Variants in CDCA2 observed in about 807,000 individuals in gnomAD.
CDCA2 encodes the protein cell division cycle-associated protein 2.
CDCA2 carries 44 observed loss-of-function variants against 67.0 expected under a neutral mutation model. That is an observed-to-expected ratio of 0.66 (90% CI 0.52 to 0.84). CDCA2 has a LOEUF of 0.84. Among genes scored for constraint, CDCA2 ranks in the 40% least tolerant of loss-of-function variants. CDCA2 has a pLI of 0.00. For synonymous variants in CDCA2, 447 were observed against 418.7 expected, an observed-to-expected ratio of 1.07 and a Z score of -0.82; for missense variants, 1,253 against 1,203.2, an observed-to-expected ratio of 1.04 and a Z score of -0.61.
At chr8:25,499,837 C>A (rs1443253901) in intron 13 of CDCA2, among the ~76,000 whole-genome samples, 2 of 152,142 alleles carry the variant, frequency 1.3e-5, no homozygotes, top group Non-Finnish European at 2.9e-5. Context: ...GATCAAATGG[C>A]TTCCCCCGGG....
chr8:25,497,153 A>G (rs527730163), intron 13 of CDCA2, among the ~76,000 whole-genome samples: 4 of 152,224 alleles, frequency 2.6e-5, no homozygotes. Context: ...GACTCCAAAT[A>G]ATCCATTTTC....
chr8:25,490,637 T>C (rs544473768), intron 13 of CDCA2, among the ~76,000 whole-genome samples: 1 of 152,118 alleles, frequency 6.6e-6, no homozygotes, highest in Admixed American at 6.5e-5. Flanking sequence ...AGAAATGAAT[T>C]GAAGTCCTAT....
chr8:25,500,493 A>G (rs1032493900), intron 13 of CDCA2, among the ~76,000 whole-genome samples: 12 of 152,030 alleles, frequency 7.9e-5, no homozygotes, highest in African/African-American at 2.2e-4. Context: ...CGTATATTCA[A>G]TTTTTGTCAA....
In CDCA2 at chr8:25,487,333, A is replaced by T. The variant is rs771709305; in HGVS notation, c.1532A>T (p.Asn511Ile). ...ATAACAAGGACTTCTAACAGAAGAA[A>T]TGTAAGTGTTTGTGTTTGGCACAAC... Reference protein sequence around the residue: ...GRITRTSNRRNQLVSVVEESV... With the variant: ...GRITRTSNRRIQLVSVVEESV... Residue 511 changes from asparagine to isoleucine, a missense_variant and splice_region_variant, in exon 12 of 15, where the codon AAT becomes ATT. Coordinates refer to ENST00000330560, the MANE Select transcript of CDCA2 (RefSeq NM_152562.4). The T allele has an allele frequency of 1.9e-6, 3 of 1,580,800 alleles. No individual in the cohort carries two copies.
intron 9 of CDCA2, 28 bp from the exon 10 acceptor site, chr8:25,483,938 G>T: frequency 1.3e-6 from 2 of 1,581,054 alleles, no homozygotes; most frequent in Non-Finnish European, 1.7e-6. Flanking sequence ...TAATTTTTAA[G>T]TTACTCTCAT....
chr8:25,477,371 G>GC (rs1300614672), intron 7 of CDCA2, among the ~76,000 whole-genome samples: 9 of 151,864 alleles, frequency 5.9e-5, no homozygotes, highest in South Asian at 2.1e-4. Context: ...ATATTTGAAT[G>GC]CCCCCCCTCG....
At chr8:25,460,356 C>T in intron 2 of CDCA2, 28 bp from the exon 3 acceptor site, 2 of 1,614,172 alleles carry the variant, frequency 1.2e-6, no homozygotes, top group East Asian at 4.5e-5. Flanking sequence ...GAGTTGTCCT[C>T]ACCCCTACAA....
Position 25,466,157 on chromosome 8 carries a change from T to C in CDCA2, c.388-18T>C, listed in dbSNP as rs1175512336. On this transcript the variant is annotated intron_variant, in intron 4 of 14. Transcript: ENST00000330560. ...TGAATTGATTATAATACTCCTTGTA[T>C]ATTTTGCACTTTCACAGGGCAGCCC... 1 of 1,584,972 alleles carries C rather than the reference T, an allele frequency of 6.3e-7. No homozygotes were observed. The highest frequency in any genetic ancestry group is 8.5e-7 in the Non-Finnish European group (1 of 1,172,156).
Position 25,462,221 on chromosome 8 carries a change from T to A in CDCA2, c.387+13T>A. The A allele has an allele frequency of 6.2e-7, 1 of 1,613,062 alleles. No individual in the cohort carries two copies. The highest frequency in any genetic ancestry group is 8.5e-7 in the Non-Finnish European group (1 of 1,179,072). ...TTCTCCTTCCCAGGTATGATTTTCT[T>A]CTAAGTTCTGTCGTGAATTCCGTTA... On this transcript the variant is annotated intron_variant, in intron 4 of 14. Transcript: ENST00000330560.
intron 7 of CDCA2, among the ~76,000 whole-genome samples, chr8:25,472,809 A>G (rs1387357583): frequency 6.6e-6 from 1 of 152,218 alleles, no homozygotes; most frequent in Non-Finnish European, 1.5e-5. Context: ...TTATTAAATC[A>G]GGCTAATTAA....
chr8:25,498,002 A>G (rs1267742218), intron 13 of CDCA2, among the ~76,000 whole-genome samples: 1 of 152,170 alleles, frequency 6.6e-6, no homozygotes, highest in Non-Finnish European at 1.5e-5. Flanking sequence ...CACCAAATAA[A>G]TGTCAAGGGA....
chr8:25,490,358 A>G (rs1586510624), intron 13 of CDCA2, among the ~76,000 whole-genome samples: 1 of 151,984 alleles, frequency 6.6e-6, no homozygotes, highest in Non-Finnish European at 1.5e-5. Context: ...ACTAAAAGGA[A>G]TACACTTAGA....
At chr8:25,506,397 T>C in intron 14 of CDCA2, 113 bp from the exon 15 acceptor site, 1 of 940,600 alleles carries the variant, frequency 1.1e-6, no homozygotes, top group Non-Finnish European at 1.5e-6. Context: ...TTGTGGGTCT[T>C]GTGAATGCTT....
intron 13 of CDCA2, among the ~76,000 whole-genome samples, chr8:25,496,992 A>G (rs1329909983): frequency 6.6e-6 from 1 of 152,154 alleles, no homozygotes; most frequent in Non-Finnish European, 1.5e-5. Flanking sequence ...GAAATGTTAC[A>G]TATTATTTAG....
rs141708318 is a variant in CDCA2 at position 25,505,985 on chromosome 8, A to G, written c.1844-525A>G. 9.5e-4 allele frequency among the ~76,000 whole-genome samples: 144 copies of G among 152,174 alleles called. 2 individuals carry two copies. Among genetic ancestry groups the G allele is most frequent in the African/African-American group, 3.2e-3 (132 of 41,540 alleles). The stretch of plus-strand genomic sequence containing the variant: ...CAAACCTGGTTCTGTTTCGGAGTAC[A>G]GTGCACTTTATAGTAATTTTTAACA... On this transcript the variant is annotated intron_variant, in intron 14 of 14. Transcript: ENST00000330560.
At chr8:25,476,728 A>G (rs932766353) in intron 7 of CDCA2, among the ~76,000 whole-genome samples, 1 of 151,612 alleles carries the variant, frequency 6.6e-6, no homozygotes, top group South Asian at 2.1e-4. Context: ...TAATTTTTGT[A>G]TTTTTAGTAG....
rs1803877046 is a variant in CDCA2, at chr8:25,488,643, CT to C, written c.1626del (p.Gln543LysfsTer17). On this transcript the variant is annotated frameshift_variant, in exon 13 of 15. Transcript: ENST00000330560. LOFTEE classifies it high-confidence loss of function. ...GAAAAGAAAATTAATAGGAGGAAGT[CT>C]CAAGAAACAAAGTGTACAAAGAGAG... ...CKEKKINRRK[S>X]QETKCTKRAL... The C allele has an allele frequency of 6.2e-7, 1 of 1,612,408 alleles. No individual in the cohort carries two copies.
At chr8:25,492,928 G>A (rs570287918) in intron 13 of CDCA2, among the ~76,000 whole-genome samples, 1 of 152,280 alleles carries the variant, frequency 6.6e-6, no homozygotes, top group African/African-American at 2.4e-5. Flanking sequence ...TTAAATCCTG[G>A]GTTCATTCCT....
At chr8:25,482,689 C>T (rs865922156) in intron 8 of CDCA2, among the ~76,000 whole-genome samples, 1 of 152,024 alleles carries the variant, frequency 6.6e-6, no homozygotes, top group Non-Finnish European at 1.5e-5. Context: ...GGCAACATGG[C>T]GAAACCTCGT....
Sources: allele counts gnomAD v4.1 joint callset (sites outside exome capture counted in the v4.1 genomes callset), GRCh38; gene constraint gnomAD v4.1.1; transcripts MANE v1.5; gene names NCBI Gene and HGNC (gene_info 2026-07-23, HGNC 2026-07-21).